SRP68: variants seen among roughly 807,000 people sequenced by gnomAD.
SRP68 encodes signal recognition particle 68.
A neutral mutation model predicts 82.2 loss-of-function variants in SRP68; 15 were observed. The observed-to-expected ratio is 0.18, with a 90% confidence interval of 0.12 to 0.28. The LOEUF (loss-of-function observed/expected upper bound fraction) is 0.28, where lower values mean the gene tolerates loss of function less well. Ranked by LOEUF, SRP68 falls within the 10% of genes least tolerant of loss-of-function variation. SRP68 has a pLI of 1.00. For synonymous variants in SRP68, 261 were observed against 292.6 expected, an observed-to-expected ratio of 0.89 and a Z score of 1.10; for missense variants, 595 against 780.5, an observed-to-expected ratio of 0.76 and a Z score of 2.83.
chr17:76,048,238 C>G (rs1299932741), intron 9 of SRP68: 1 of 202,574 alleles, frequency 4.9e-6, no homozygotes, highest in Admixed American at 5.9e-5. Flanking sequence ...CTCCCCGTGC[C>G]TAACCCCAAA....
At chr17:76,040,686 C>T (rs571866562) in intron 14 of SRP68, 1 of 659,268 alleles carries the variant, frequency 1.5e-6, no homozygotes, top group Admixed American at 2.6e-5. Flanking sequence ...AGCACAGTTG[C>T]ATGAGGACAG....
chr17:76,049,910 A>G (rs1567928950), intron 9 of SRP68, among the ~76,000 whole-genome samples: 1 of 152,212 alleles, frequency 6.6e-6, no homozygotes, highest in Non-Finnish European at 1.5e-5. Flanking sequence ...TTTGCGAAAG[A>G]AAGGCCTGGA....
chr17:76,045,055 T>C, intron 12 of SRP68: 2 of 392,572 alleles, frequency 5.1e-6, no homozygotes, highest in Non-Finnish European at 9.1e-6. Flanking sequence ...AAGCCAAGTT[T>C]AACGTGTGTG....
intron 8 of SRP68, among the ~76,000 whole-genome samples, chr17:76,051,977 G>A (rs902229439): frequency 6.6e-6 from 1 of 152,132 alleles, no homozygotes; most frequent in Non-Finnish European, 1.5e-5. Flanking sequence ...CCGTGATCTC[G>A]TCTCACTGTA....
chr17:76,062,764 T>TAA (rs1199160459), intron 4 of SRP68, among the ~76,000 whole-genome samples: 2 of 74,768 alleles, frequency 2.7e-5, no homozygotes, highest in Non-Finnish European at 4.9e-5. Context: ...TATATATATA[T>TAA]AAAATATATA....
intron 9 of SRP68, among the ~76,000 whole-genome samples, chr17:76,050,153 G>A (rs2066660887): frequency 6.6e-6 from 1 of 152,194 alleles, no homozygotes; most frequent in African/African-American, 2.4e-5. Context: ...GGAGGCACTG[G>A]AGAAGTCCAC....
rs369544638 is a variant in SRP68 at position 76,054,630 on chromosome 17, T to C, written c.978+2773A>G. Among the ~76,000 whole-genome samples, 20 of 152,250 alleles carry C rather than the reference T, an allele frequency of 1.3e-4. No homozygotes were observed. In the East Asian group the frequency reaches 2.3e-3, roughly 18 times the overall value. ...ACTTTGGGAGGCCGAGGCGGGTGGA[T>C]TGCCTGAAGTCAGGAGTTCGAGACC... On this transcript the variant is annotated intron_variant, in intron 8 of 15. Coordinates refer to ENST00000307877, the MANE Select transcript of SRP68 (RefSeq NM_014230.4).
chr17:76,065,459 A>C (rs1373602720), intron 3 of SRP68, among the ~76,000 whole-genome samples: 1 of 133,240 alleles, frequency 7.5e-6, no homozygotes. Flanking sequence ...AAAAAAAAAA[A>C]GGGAGAGTCC....
At chr17:76,055,811 T>TTC (rs1006591887) in intron 8 of SRP68, among the ~76,000 whole-genome samples, 4 of 145,240 alleles carry the variant, frequency 2.8e-5, no homozygotes, top group Non-Finnish European at 6.1e-5. Context: ...TTTCTTCTTT[T>TTC]TTTTTTTTTT....
At chr17:76,061,059 G>A in intron 6 of SRP68, 51 bp downstream of exon 6, 2 of 1,096,562 alleles carry the variant, frequency 1.8e-6, no homozygotes, top group Non-Finnish European at 1.4e-6. Context: ...CTCCCAATAG[G>A]CCATCTATCA....
In SRP68 at chr17:76,061,513, A is replaced by G. The variant is rs2066752023; in HGVS notation, c.623T>C (p.Ile208Thr). 3 of 1,613,910 alleles carry G rather than the reference A, an allele frequency of 1.9e-6. No homozygotes were observed. The highest frequency in any genetic ancestry group is 2.2e-5 in the East Asian group (1 of 44,880). ...TTACTTGCATTTGTTAAAAGCCTCAATGGCAGCTTTCCATTCTTGATGTTC... is the reference window on the plus strand; with the variant it reads ...TTACTTGCATTTGTTAAAAGCCTCAGTGGCAGCTTTCCATTCTTGATGTTC... ...RFEHQEWKAA[I>T]EAFNKCKTIY... Residue 208 changes from isoleucine (I) to threonine (T), a missense_variant, in exon 5 of 16, where the codon ATT becomes ACT. Coordinates refer to ENST00000307877, the MANE Select transcript of SRP68 (RefSeq NM_014230.4).
chr17:76,062,300 A>T (rs2066758296), intron 4 of SRP68, among the ~76,000 whole-genome samples: 1 of 148,190 alleles, frequency 6.7e-6, no homozygotes, highest in Non-Finnish European at 1.5e-5. Context: ...AAAAAAAAAA[A>T]AAAAATTTAG....
At chr17:76,046,262 C>T in intron 10 of SRP68, 68 bp from the exon 11 acceptor site, 1 of 1,501,928 alleles carries the variant, frequency 6.7e-7, no homozygotes, top group East Asian at 2.3e-5. Flanking sequence ...GACTGGACTA[C>T]AAGTTGGGGC....
Position 76,072,477 on chromosome 17 carries a change from C to T in SRP68, c.15G>A (p.Lys5=). The part of the protein sequence containing the change: MAAE[K]QVPGGGGGGG... ...CGCCGCCGCCGCCGCCTGGGACCTG[C>T]TTCTCAGCAGCCATCTTGCCCCTGC... The change falls in exon 1 of 16, where the codon AAG becomes AAA. Residue 5 remains lysine, a synonymous_variant. Coordinates refer to ENST00000307877, the MANE Select transcript of SRP68 (RefSeq NM_014230.4). The surrounding 1 kb of genome is among the most constrained non-coding windows in gnomAD (Gnocchi z 4.5). 6.3e-7 allele frequency: 1 copy of T among 1,582,356 alleles called. No individual in the cohort carries two copies. Among genetic ancestry groups the T allele is most frequent in the Non-Finnish European group, 8.5e-7 (1 of 1,171,704 alleles).
chr17:76,044,340 C>G (rs369570930), intron 12 of SRP68, among the ~76,000 whole-genome samples: 1 of 152,198 alleles, frequency 6.6e-6, no homozygotes, highest in Non-Finnish European at 1.5e-5. Context: ...CTCTGCTCAT[C>G]GCTTTCCAAA....
chr17:76,057,547 A>C lies in SRP68; in HGVS notation c.838-4T>G. The C allele has an allele frequency of 6.2e-7, 1 of 1,613,996 alleles. No homozygotes were observed. The highest frequency in any genetic ancestry group is 2.2e-5 in the East Asian group (1 of 44,886). On this transcript the variant is annotated splice_region_variant and splice_polypyrimidine_tract_variant and intron_variant, in intron 7 of 15. Coordinates refer to ENST00000307877, the MANE Select transcript of SRP68 (RefSeq NM_014230.4). ...CTCGAGTCTGAGTGATCAAAGCCTG[A>C]AAAATAGTTTAAAAAAGTTAAAGCT...
At position 76,071,573 on chromosome 17, in the gene SRP68, A is replaced by C. The variant is rs1445176462; in HGVS notation, c.184+735T>G. On this transcript the variant is annotated intron_variant, in intron 1 of 15. Transcript: ENST00000307877. The surrounding 1 kb of genome is among the most constrained non-coding windows in gnomAD (Gnocchi z 4.7). ...CAGTAATTCAAAATATTTAACTCCA[A>C]GCGCCTGAGAACTTTAAGCACATTA... Among the ~76,000 whole-genome samples the C allele has an allele frequency of 6.6e-6, 1 of 152,196 alleles. No individual in the cohort carries two copies. The highest frequency in any genetic ancestry group is 2.4e-5 in the African/African-American group (1 of 41,448).
chr17:76,039,783 G>A lies in SRP68; in HGVS notation c.1807C>T (p.Leu603Phe), dbSNP rs184600542. The A allele has an allele frequency of 6.2e-7, 1 of 1,614,204 alleles. No homozygotes were observed. Among genetic ancestry groups the A allele is most frequent in the East Asian group, 2.2e-5 (1 of 44,890 alleles). The part of the protein sequence containing the change: ...LALNHVAFPP[L>F]EDKLEQKTKS... ...GTCTTCTGTTCCAACTTGTCCTCAA[G>A]GGGTGGGAAAGCCACATGGTTGAGG... The change falls in exon 16 of 16, where the codon CTT (leucine) becomes TTT (phenylalanine). Residue 603 changes from leucine (L) to phenylalanine (F), a missense_variant. Transcript: ENST00000307877.
At position 76,045,787 on chromosome 17, in the gene SRP68, T is replaced by G. The variant is rs549304477; in HGVS notation, c.1299+251A>C. Among the ~76,000 whole-genome samples the G allele has an allele frequency of 6.2e-4, 94 of 152,322 alleles. 1 individual carries two copies. The highest frequency in any genetic ancestry group is 2.2e-3 in the African/African-American group (93 of 41,572). Reference sequence around the variant, plus strand: ...ATGGACTCAGGTCTCAGATGCTCTATGGCACCTGGGAGCGTCTTACACAGG... The same window carrying G: ...ATGGACTCAGGTCTCAGATGCTCTAGGGCACCTGGGAGCGTCTTACACAGG... On this transcript the variant is annotated intron_variant, in intron 11 of 15. Transcript: ENST00000307877.
Sources: allele counts gnomAD v4.1 joint callset (sites outside exome capture counted in the v4.1 genomes callset), GRCh38; gene constraint gnomAD v4.1.1; non-coding constraint Gnocchi (gnomAD v3.1); transcripts MANE v1.5; gene names NCBI Gene and HGNC (gene_info 2026-07-23, HGNC 2026-07-21).